Variants in MERTK observed in about 807,000 individuals in gnomAD.
The protein encoded by MERTK is MER proto-oncogene, tyrosine kinase.
MERTK carries 69 observed loss-of-function variants against 99.3 expected under a neutral mutation model. That is an observed-to-expected ratio of 0.70 (90% CI 0.57 to 0.85). The LOEUF (loss-of-function observed/expected upper bound fraction) is 0.85. Among genes scored for constraint, MERTK ranks in the 40% least tolerant of loss-of-function variants. The pLI is 0.00. For synonymous variants in MERTK, 426 were observed against 467.6 expected (o/e 0.91, Z 1.15); for missense variants, 1,125 against 1,249.4 (o/e 0.90, Z 1.50).
intron 16 of MERTK, among the ~76,000 whole-genome samples, chr2:112,019,948 C>T (rs1677301843): frequency 6.6e-6 from 1 of 152,238 alleles, no homozygotes; most frequent in Admixed American, 6.5e-5. Flanking sequence ...TACATGGAAG[C>T]TGTCCTTTCA....
At chr2:111,949,375 G>A (rs1487327841) in intron 4 of MERTK, among the ~76,000 whole-genome samples, 2 of 152,076 alleles carry the variant, frequency 1.3e-5, no homozygotes, top group Non-Finnish European at 2.9e-5. Flanking sequence ...TGGCTAGGAT[G>A]GATCAGTAAG....
intron 1 of MERTK, among the ~76,000 whole-genome samples, chr2:111,899,147 A>G (rs923368130): frequency 6.6e-6 from 1 of 152,198 alleles, no homozygotes; most frequent in Non-Finnish European, 1.5e-5. Flanking sequence ...CGTAGGTAGC[A>G]GGTCTGGTCT....
At chr2:111,912,614 A>C (rs1035170439) in intron 1 of MERTK, among the ~76,000 whole-genome samples, 1 of 152,004 alleles carries the variant, frequency 6.6e-6, no homozygotes, top group African/African-American at 2.4e-5. Flanking sequence ...TCTTATAGGC[A>C]GGTTATTGCC....
intron 8 of MERTK, among the ~76,000 whole-genome samples, chr2:111,989,061 C>T (rs1296474348): frequency 2.0e-5 from 3 of 152,256 alleles, no homozygotes; most frequent in East Asian, 1.9e-4. Flanking sequence ...AACCTCACTC[C>T]GACTGACTCC....
chr2:111,994,275 C>T lies in MERTK; in HGVS notation c.1321C>T (p.Gln441Ter), dbSNP rs1213886838. ...ISKELLEEVG[Q>*]NGSRARISVQ... ...GAAAGAGCTCTTGGAGGAAGTTGGC[C>T]AGAATGGCAGCCGAGCTCGGATCTC... Residue 441 changes from glutamine (Q) to a stop codon, truncating the protein, a stop_gained, in exon 9 of 19, where the codon CAG becomes TAG. Coordinates refer to ENST00000295408, the MANE Select transcript of MERTK (RefSeq NM_006343.3). LOFTEE classifies it high-confidence loss of function. The T allele has an allele frequency of 6.2e-7, 1 of 1,614,040 alleles. No homozygotes were observed. Among genetic ancestry groups the T allele is most frequent in the Non-Finnish European group, 8.5e-7 (1 of 1,180,032 alleles).
chr2:111,941,167 G>T, intron 2 of MERTK: 1 of 328,830 alleles, frequency 3.0e-6, no homozygotes, highest in African/African-American at 2.1e-5. Context: ...GAGGTAGTTT[G>T]GCTGGGTACA....
chr2:111,997,357 G>A lies in MERTK; in HGVS notation c.1485G>A (p.Ala495=), dbSNP rs191874938. 4.5e-5 allele frequency: 72 copies of A among 1,614,074 alleles called. No homozygotes were observed. Among genetic ancestry groups the A allele is most frequent in the African/African-American group, 3.1e-4 (23 of 75,006 alleles). Residue 495 remains alanine, a synonymous_variant, in exon 10 of 19, where the codon GCG becomes GCA. Coordinates refer to ENST00000295408, the MANE Select transcript of MERTK (RefSeq NM_006343.3). The part of the protein sequence containing the change: ...WVDYAPSSTP[A]PGNADPVLII... The stretch of plus-strand genomic sequence containing the variant: ...ATTATGCCCCCTCTTCAACTCCGGC[G>A]CCTGGCAACGCAGATCCTGTGCTCA...
chr2:111,970,368 G>A (rs931296724), intron 6 of MERTK, among the ~76,000 whole-genome samples: 3 of 151,298 alleles, frequency 2.0e-5, no homozygotes, highest in Non-Finnish European at 4.4e-5. Flanking sequence ...TGTTGACCAG[G>A]CTGTTCTCAA....
At chr2:111,968,399 C>T (rs769207792) in intron 6 of MERTK, 147 bp downstream of exon 6, 32 of 710,690 alleles carry the variant, frequency 4.5e-5, no homozygotes, top group Non-Finnish European at 7.9e-5. Context: ...GTCCAGCATG[C>T]ATGCACTATT....
In MERTK at chr2:111,929,448, G is replaced by A. The variant is rs1262596828; in HGVS notation, c.390G>A (p.Trp130Ter). Residue 130 changes from tryptophan (W) to a stop codon, truncating the protein, a stop_gained, in exon 2 of 19, where the codon TGG becomes TGA. Transcript: ENST00000295408. LOFTEE classifies it high-confidence loss of function. ...TATACCAGGACACCACAATTTCTTG[G>A]TGGAAAGATGGGAAGGAATTGCTTG... ...PNIYQDTTIS[W>*]WKDGKELLGA... The A allele has an allele frequency of 3.7e-6, 6 of 1,614,058 alleles. No homozygotes were observed. The highest frequency in any genetic ancestry group is 5.1e-6 in the Non-Finnish European group (6 of 1,179,982).
intron 18 of MERTK, among the ~76,000 whole-genome samples, chr2:112,023,705 A>G (rs1677404238): frequency 6.6e-6 from 1 of 152,106 alleles, no homozygotes; most frequent in South Asian, 2.1e-4. Flanking sequence ...TAGCTTGGTG[A>G]TGGTGATTTG....
At chr2:111,940,335 C>G in intron 2 of MERTK, 1 of 512,680 alleles carries the variant, frequency 2.0e-6, no homozygotes. Flanking sequence ...TGTGGTCTGT[C>G]CTTGCATCAG....
chr2:111,902,373 T>C (rs1684060013), intron 1 of MERTK, among the ~76,000 whole-genome samples: 1 of 152,210 alleles, frequency 6.6e-6, no homozygotes, highest in African/African-American at 2.4e-5. Context: ...TCGCTTTCCA[T>C]ATAATAGCCA....
intron 18 of MERTK, 45 bp downstream of exon 18, chr2:112,022,439 G>C (rs1287450916): frequency 6.2e-7 from 1 of 1,613,600 alleles, no homozygotes; most frequent in Non-Finnish European, 8.5e-7. Context: ...GCATGGGGCA[G>C]CCACCTGGCT....
At chr2:111,947,786 G>A (rs1401104943) in intron 4 of MERTK, among the ~76,000 whole-genome samples, 2 of 152,134 alleles carry the variant, frequency 1.3e-5, no homozygotes, top group Admixed American at 1.3e-4. Flanking sequence ...GCCTCTGGGG[G>A]TACATAGGGT....
In MERTK at chr2:112,029,026, A is replaced by T; in HGVS notation, c.*162A>T. 6.9e-7 allele frequency: 1 copy of T among 1,441,068 alleles called. No individual in the cohort carries two copies. Among genetic ancestry groups the T allele is most frequent in the Admixed American group, 2.6e-5 (1 of 37,944 alleles). 89.3% of individuals were successfully genotyped at this position (1,441,068 alleles called of 1,614,324 possible). A position where few individuals can be genotyped will look rare whatever the true frequency, so the allele number is the denominator to read the frequency against. On this transcript the variant is annotated 3_prime_UTR_variant, in exon 19 of 19. Transcript: ENST00000295408. Reference sequence around the variant, plus strand: ...TTAAGTAAGCTGTCATTAAAAATACATAATATATATTTATTTAAAGAGAAA... The same window carrying T: ...TTAAGTAAGCTGTCATTAAAAATACTTAATATATATTTATTTAAAGAGAAA...
At chr2:112,019,275 T>A in intron 15 of MERTK, 138 bp from the exon 16 acceptor site, 2 of 787,810 alleles carry the variant, frequency 2.5e-6, no homozygotes, top group Non-Finnish European at 4.6e-6. Context: ...ATTAGTGATA[T>A]GGAAATAAAA....
chr2:111,993,970 A>G (rs905694561), intron 8 of MERTK, among the ~76,000 whole-genome samples: 2 of 152,176 alleles, frequency 1.3e-5, no homozygotes, highest in East Asian at 3.9e-4. Flanking sequence ...TGCATCTGCT[A>G]CGTGCTCCCT....
In MERTK at chr2:112,021,416, C is replaced by T. The variant is rs1209664408; in HGVS notation, c.2190-6C>T. 3.1e-6 allele frequency: 5 copies of T among 1,612,834 alleles called. No homozygotes were observed. Among genetic ancestry groups the T allele is most frequent in the South Asian group, 1.1e-5 (1 of 91,018 alleles). On this transcript the variant is annotated splice_polypyrimidine_tract_variant and splice_region_variant and intron_variant, in intron 16 of 18. Coordinates refer to ENST00000295408, the MANE Select transcript of MERTK (RefSeq NM_006343.3). ...CGCTGCTGAAGACGTAACCTGCTCT[C>T]TGTAGGTTGCGAGATGACATGACTG... is the stretch of plus-strand genomic sequence containing the variant.
Sources: gnomAD v4.1 joint callset for allele counts (sites outside exome capture counted in the v4.1 genomes callset) on GRCh38, gnomAD v4.1.1 for gene constraint, MANE v1.5 for transcripts, NCBI Gene and HGNC (gene_info 2026-07-23, HGNC 2026-07-21) for gene names.